Variants in SULF1 observed in about 807,000 individuals in gnomAD.
SULF1 encodes the protein sulfatase 1.
A neutral mutation model predicts 110.5 loss-of-function variants in SULF1; 46 were observed. The observed-to-expected ratio is 0.42, with a 90% confidence interval of 0.33 to 0.53. SULF1 has a LOEUF of 0.53. Ranked by LOEUF, SULF1 falls within the 20% of genes least tolerant of loss-of-function variation. The pLI, the probability that SULF1 is intolerant of heterozygous loss-of-function variation, is 0.12. For synonymous variants in SULF1, 371 were observed against 387.1 expected (o/e 0.96, Z 0.49); for missense variants, 941 against 1,094.2 (o/e 0.86, Z 1.98).
chr8:69,516,947 A>C (rs1192474919), intron 3 of SULF1, among the ~76,000 whole-genome samples: 1 of 152,206 alleles, frequency 6.6e-6, no homozygotes, highest in Non-Finnish European at 1.5e-5. Flanking sequence ...ATAGTCTACA[A>C]TACCAAAAAC....
intron 12 of SULF1, 133 bp downstream of exon 12, chr8:69,603,789 G>T: frequency 1.4e-6 from 1 of 691,368 alleles, no homozygotes; most frequent in Middle Eastern, 2.5e-4. Flanking sequence ...AGATTGAATG[G>T]TTTGCTGCTT....
chr8:69,490,280 T>G (rs1354566642), upstream of SULF1, among the ~76,000 whole-genome samples: 2 of 151,964 alleles, frequency 1.3e-5, no homozygotes, highest in Non-Finnish European at 2.9e-5. Context: ...TTTTTTTATT[T>G]TTTGCAGAGA....
At chr8:69,487,712 T>C (rs1168468068) in intron 1 of SULF1, among the ~76,000 whole-genome samples, 2 of 152,176 alleles carry the variant, frequency 1.3e-5, no homozygotes, top group Admixed American at 6.5e-5. Context: ...ACAGCCTCAG[T>C]GTTGAGTTTG....
At chr8:69,490,514 C>T (rs184365524), upstream of SULF1, among the ~76,000 whole-genome samples, 468 of 152,276 alleles carry the variant, frequency 3.1e-3, 2 homozygotes, top group Middle Eastern at 6.8e-3. Flanking sequence ...GATAATATTT[C>T]TCCATTTGAC....
At position 69,638,873 on chromosome 8, in the gene SULF1, A is replaced by T; in HGVS notation, c.2551+15A>T. On this transcript the variant is annotated intron_variant, in intron 21 of 22. Transcript: ENST00000402687. ...TCTTGATGTTGGTAAGGAAAAAAAT[A>T]CTATTTTTTCTATTTTACCTGGAAA... The T allele has an allele frequency of 6.3e-7, 1 of 1,596,176 alleles. No individual in the cohort carries two copies. Among genetic ancestry groups the T allele is most frequent in the Non-Finnish European group, 8.5e-7 (1 of 1,174,854 alleles).
chr8:69,597,594 A>G (rs932837958), intron 8 of SULF1: 22 of 152,192 alleles, frequency 1.4e-4, no homozygotes, highest in African/African-American at 5.1e-4. Flanking sequence ...AATTTGCTGC[A>G]AGCTTCCCTG....
intron 5 of SULF1, among the ~76,000 whole-genome samples, chr8:69,567,778 G>T (rs1020205011): frequency 1.3e-5 from 2 of 152,078 alleles, no homozygotes; most frequent in African/African-American, 2.4e-5. Context: ...CCCTATTGTG[G>T]ATAATGCTGC....
chr8:69,517,815 T>C (rs1379629539), intron 3 of SULF1, among the ~76,000 whole-genome samples: 1 of 152,210 alleles, frequency 6.6e-6, no homozygotes, highest in Non-Finnish European at 1.5e-5. Flanking sequence ...ATCTTCCCTT[T>C]TCATTACCAC....
At position 69,601,703 on chromosome 8, in the gene SULF1, T is replaced by C; in HGVS notation, c.935T>C (p.Ile312Thr). 1 of 1,613,488 alleles carries C rather than the reference T, an allele frequency of 6.2e-7. No homozygotes were observed. Among genetic ancestry groups the C allele is most frequent in the South Asian group, 1.1e-5 (1 of 90,836 alleles). ...GGGGAGCTGGAGAATACTTACATCA[T>C]TTACACCGCCGACCATGGTTACCAT... ...ETGELENTYI[I>T]YTADHGYHIG... is the part of the protein sequence containing the mutation. The change falls in exon 10 of 23, where the codon ATT becomes ACT. Residue 312 changes from isoleucine (I) to threonine (T), a missense_variant. This residue lies in a region of SULF1 where 822 missense variants were observed against 934.3 expected (regional missense o/e 0.88). Coordinates refer to ENST00000402687, the MANE Select transcript of SULF1 (RefSeq NM_001128205.2).
intron 22 of SULF1, among the ~76,000 whole-genome samples, chr8:69,657,114 C>T (rs182228470): frequency 6.6e-6 from 1 of 152,288 alleles, no homozygotes; most frequent in African/African-American, 2.4e-5. Flanking sequence ...CTATTTACAA[C>T]CCTCCTGGTT....
intron 3 of SULF1, among the ~76,000 whole-genome samples, chr8:69,532,631 A>T (rs1813163616): frequency 6.6e-6 from 1 of 152,258 alleles, no homozygotes; most frequent in Admixed American, 6.5e-5. Flanking sequence ...TGTAAGAGGA[A>T]AGTGGACAAC....
chr8:69,502,275 T>C (rs566968786), intron 3 of SULF1, among the ~76,000 whole-genome samples: 2 of 152,252 alleles, frequency 1.3e-5, no homozygotes, highest in South Asian at 4.1e-4. Context: ...GGAAGGAAGC[T>C]CAGGGGAATT....
rs191958350 is a variant in SULF1, at chr8:69,499,125, C to T, written c.-228-2749C>T. ...CTGCCCGCCTCGGCCTCCCAAACTG[C>T]TGGGATTACAGGCATGAGCCACTGC... is the stretch of plus-strand genomic sequence containing the variant. On this transcript the variant is annotated intron_variant, in intron 2 of 22. Transcript: ENST00000402687. Among the ~76,000 whole-genome samples the T allele has an allele frequency of 6.9e-3, 1,047 of 152,292 alleles. 8 individuals carry two copies. Among genetic ancestry groups the T allele is most frequent in the Non-Finnish European group, 0.011 (740 of 68,030 alleles).
At chr8:69,617,612 T>C (rs931969030) in intron 13 of SULF1, among the ~76,000 whole-genome samples, 1 of 151,258 alleles carries the variant, frequency 6.6e-6, no homozygotes, top group African/African-American at 2.4e-5. Flanking sequence ...CTAAAGCTAA[T>C]TGGATAGCCA....
intron 13 of SULF1, among the ~76,000 whole-genome samples, chr8:69,617,498 G>A (rs544229781): frequency 4.9e-4 from 70 of 144,278 alleles, no homozygotes; most frequent in African/African-American, 1.8e-3. Context: ...TGAACTCCTG[G>A]GCTCAAGCAA....
intron 3 of SULF1, among the ~76,000 whole-genome samples, chr8:69,541,015 C>A (rs1813817637): frequency 6.6e-6 from 1 of 151,954 alleles, no homozygotes; most frequent in Non-Finnish European, 1.5e-5. Flanking sequence ...CTATATGGCA[C>A]AGCTGAAAGA....
intron 3 of SULF1, among the ~76,000 whole-genome samples, chr8:69,510,290 A>G (rs1474170702): frequency 6.6e-6 from 1 of 152,188 alleles, no homozygotes; most frequent in Non-Finnish European, 1.5e-5. Context: ...GACCCATGAG[A>G]GAAGTATGGT....
intron 1 of SULF1, among the ~76,000 whole-genome samples, chr8:69,493,404 A>G (rs967960052): frequency 6.6e-6 from 1 of 150,634 alleles, no homozygotes; most frequent in Non-Finnish European, 1.5e-5. Context: ...CATTCTGGTG[A>G]TGTCTGGCTG....
chr8:69,518,192 CT>C (rs1812064565), intron 3 of SULF1, among the ~76,000 whole-genome samples: 1 of 152,284 alleles, frequency 6.6e-6, no homozygotes, highest in Non-Finnish European at 1.5e-5. Context: ...ACAGAATTCA[CT>C]TTTTTATTAG....
Sources: allele counts gnomAD v4.1 joint callset (sites outside exome capture counted in the v4.1 genomes callset), GRCh38; gene constraint gnomAD v4.1.1; regional missense constraint gnomAD v4.1.1; transcripts MANE v1.5; gene names NCBI Gene and HGNC (gene_info 2026-07-23, HGNC 2026-07-21).